ZPBP: variants seen among roughly 807,000 people sequenced by gnomAD.
ZPBP encodes zona pellucida-binding protein 1.
In ZPBP, 26 loss-of-function variants were observed where a neutral mutation model predicts 44.8. The ratio of observed to expected loss-of-function variants is 0.58; its 90% CI spans 0.43 to 0.81. ZPBP has a LOEUF of 0.81. ZPBP is among the 30% of genes least tolerant of loss of function. ZPBP has a pLI of 0.00. For missense variants in ZPBP, 409 were observed against 434.0 expected, an observed-to-expected ratio of 0.94 and a Z score of 0.51; for synonymous variants, 174 against 153.2, an observed-to-expected ratio of 1.14 and a Z score of -1.00.
At chr7:50,046,355 C>T (rs1043865309) in intron 4 of ZPBP, among the ~76,000 whole-genome samples, 1 of 151,908 alleles carries the variant, frequency 6.6e-6, no homozygotes, top group African/African-American at 2.4e-5. Flanking sequence ...TCAGAGTGAA[C>T]AGGCAACCTA....
At chr7:50,004,856 G>C (rs1256669260) in intron 6 of ZPBP, among the ~76,000 whole-genome samples, 1 of 152,056 alleles carries the variant, frequency 6.6e-6, no homozygotes, top group Admixed American at 6.6e-5. Context: ...CCAAGGTGGA[G>C]AGAGGGAAAA....
chr7:50,008,324 T>C (rs904800726), intron 6 of ZPBP, among the ~76,000 whole-genome samples: 1 of 152,066 alleles, frequency 6.6e-6, no homozygotes, highest in African/African-American at 2.4e-5. Flanking sequence ...TAACCAAGGA[T>C]ATGAAAAACT....
At chr7:50,015,089 T>G (rs1053223390) in intron 6 of ZPBP, among the ~76,000 whole-genome samples, 2 of 152,146 alleles carry the variant, frequency 1.3e-5, no homozygotes, top group Admixed American at 6.6e-5. Context: ...GTTCTTATAC[T>G]ATCATCAAGA....
intron 7 of ZPBP, among the ~76,000 whole-genome samples, chr7:49,954,384 G>T (rs960732678): frequency 1.3e-5 from 2 of 152,082 alleles, no homozygotes; most frequent in Non-Finnish European, 2.9e-5. Flanking sequence ...CTTTCATACA[G>T]CAACAAATGC....
At chr7:49,913,682 T>A (rs536258151) in intron 1 of ZPBP, 1 of 152,180 alleles carries the variant, frequency 6.6e-6, no homozygotes, top group African/African-American at 2.4e-5. Flanking sequence ...GAAATCATAA[T>A]GTATTGTATT....
At chr7:50,070,241 T>C (rs116849631) in intron 3 of ZPBP, among the ~76,000 whole-genome samples, 2,001 of 152,262 alleles carry the variant, frequency 0.013, 22 homozygotes, top group Middle Eastern at 0.071. Flanking sequence ...TTCATCCAAA[T>C]TGGCAGGCCA....
chr7:49,861,209 C>T (rs1013607525), intron 2 of ZPBP, among the ~76,000 whole-genome samples: 2 of 152,280 alleles, frequency 1.3e-5, no homozygotes, highest in East Asian at 1.9e-4. Context: ...CATCTTAGTA[C>T]ATGTAAAATG....
At chr7:50,047,783 A>T (rs1361742503) in intron 4 of ZPBP, among the ~76,000 whole-genome samples, 4 of 152,086 alleles carry the variant, frequency 2.6e-5, no homozygotes. Context: ...AACTAAACCA[A>T]GTCCCCCACA....
intron 7 of ZPBP, among the ~76,000 whole-genome samples, chr7:49,960,564 G>T (rs1013041491): frequency 1.1e-4 from 17 of 152,076 alleles, no homozygotes; most frequent in African/African-American, 4.1e-4. Flanking sequence ...AAACAAAAAT[G>T]CAGGCCACAA....
chr7:50,033,417 T>G (rs1299744324), intron 4 of ZPBP, among the ~76,000 whole-genome samples: 1 of 152,294 alleles, frequency 6.6e-6, no homozygotes, highest in East Asian at 1.9e-4. Flanking sequence ...CCAAGTACCC[T>G]GTCTACATGG....
chr7:50,018,501 G>A (rs1328147039), intron 5 of ZPBP, among the ~76,000 whole-genome samples, 185 bp from the exon 6 acceptor site: 3 of 151,796 alleles, frequency 2.0e-5, no homozygotes, highest in Non-Finnish European at 4.4e-5. Context: ...TATAAATCAA[G>A]ACAACCTTAT....
chr7:49,933,908 G>C (rs1225890799), downstream of ZPBP, among the ~76,000 whole-genome samples: 22 of 148,700 alleles, frequency 1.5e-4, no homozygotes, highest in Middle Eastern at 3.5e-3. Flanking sequence ...GTTGTGGGCT[G>C]GGGGGAGGGG....
chr7:50,039,012 T>C (rs556099071), intron 4 of ZPBP, among the ~76,000 whole-genome samples: 2 of 152,250 alleles, frequency 1.3e-5, no homozygotes, highest in South Asian at 2.1e-4. Flanking sequence ...AACTAGATTA[T>C]CTAAAATGTG....
chr7:50,058,106 T>A lies in ZPBP; in HGVS notation c.370A>T (p.Ser124Cys). ...NRTAQITSTG[S>C]LVFQNFEESM... ...TCCTCAAAATTTTGGAATACAAGGC[T>A]TCCTGTGGATGTTATTTGTGCAGTG... The change falls in exon 4 of 8, where the codon AGC becomes TGC. Residue 124 changes from serine (S) to cysteine (C), a missense_variant. Coordinates refer to ENST00000046087, the MANE Select transcript of ZPBP (RefSeq NM_007009.3). The A allele has an allele frequency of 6.2e-7, 1 of 1,613,900 alleles. No homozygotes were observed. Among genetic ancestry groups the A allele is most frequent in the Non-Finnish European group, 8.5e-7 (1 of 1,179,882 alleles).
chr7:49,954,510 A>G (rs1173149009), intron 7 of ZPBP, among the ~76,000 whole-genome samples: 2 of 152,174 alleles, frequency 1.3e-5, no homozygotes, highest in Non-Finnish European at 2.9e-5. Flanking sequence ...AAATTGGCAA[A>G]GCAGAAATGT....
chr7:50,048,131 A>G (rs1166417903), intron 4 of ZPBP, among the ~76,000 whole-genome samples: 1 of 152,216 alleles, frequency 6.6e-6, no homozygotes, highest in African/African-American at 2.4e-5. Flanking sequence ...CTGAAAAAAC[A>G]AAAAACAGAC....
rs117507610 is a variant in ZPBP at position 49,983,790 on chromosome 7, T to C, written c.784-271A>G. ...CTTTGTATTTTGAATAATACAGGAA[T>C]AAGTATATGAGCAAAATCAAGAAAG... On this transcript the variant is annotated intron_variant, in intron 6 of 7. Coordinates refer to ENST00000046087, the MANE Select transcript of ZPBP (RefSeq NM_007009.3). 2.8e-3 allele frequency among the ~76,000 whole-genome samples: 420 copies of C among 152,180 alleles called. 2 individuals are homozygous for C. The highest frequency in any genetic ancestry group is 4.2e-3 in the Non-Finnish European group (287 of 67,978).
At chr7:49,994,621 C>T (rs890988149) in intron 6 of ZPBP, among the ~76,000 whole-genome samples, 16 of 152,186 alleles carry the variant, frequency 1.1e-4, no homozygotes, top group Admixed American at 1.0e-3. Flanking sequence ...CCTGTAGAAG[C>T]AGCTGTCTCT....
chr7:50,046,590 G>GT (rs972688247), intron 4 of ZPBP, among the ~76,000 whole-genome samples: 6 of 152,008 alleles, frequency 3.9e-5, no homozygotes, highest in African/African-American at 1.4e-4. Context: ...CAAAACCACC[G>GT]TAAGATACCA....
Sources: gnomAD v4.1 joint callset for allele counts (sites outside exome capture counted in the v4.1 genomes callset) on GRCh38, gnomAD v4.1.1 for gene constraint, MANE v1.5 for transcripts, NCBI Gene and HGNC (gene_info 2026-07-23, HGNC 2026-07-21) for gene names.